CACNA2D1: variants seen among roughly 807,000 people sequenced by gnomAD.
CACNA2D1 encodes the protein calcium voltage-gated channel auxiliary subunit alpha2delta 1, also known as voltage-dependent calcium channel subunit alpha-2/delta-1.
In CACNA2D1, 53 loss-of-function variants were observed where a neutral mutation model predicts 171.5. That is an observed-to-expected ratio of 0.31 (90% confidence interval 0.25 to 0.39). The LOEUF is 0.39. Ranked by LOEUF, CACNA2D1 falls within the 10% of genes least tolerant of loss-of-function variation. The pLI is 1.00. For missense variants in CACNA2D1, 903 were observed against 1,299.8 expected (o/e 0.69, Z 4.69); for synonymous variants, 442 against 443.1 (o/e 1.00, Z 0.03).
intron 3 of CACNA2D1, among the ~76,000 whole-genome samples, chr7:82,294,874 T>C (rs1585376817): frequency 6.6e-6 from 1 of 152,178 alleles, no homozygotes; most frequent in Admixed American, 6.5e-5. Flanking sequence ...TACTTTTACA[T>C]GATATATCCA....
At chr7:82,285,171 T>A (rs551375744) in intron 3 of CACNA2D1, among the ~76,000 whole-genome samples, 1 of 152,008 alleles carries the variant, frequency 6.6e-6, no homozygotes, top group African/African-American at 2.4e-5. Context: ...GCCCTCCTCC[T>A]CTTCTCGATG....
At chr7:82,043,593 T>C (rs1388226481) in intron 10 of CACNA2D1, among the ~76,000 whole-genome samples, 1 of 152,202 alleles carries the variant, frequency 6.6e-6, no homozygotes, top group Non-Finnish European at 1.5e-5. Flanking sequence ...GTACACAAAT[T>C]GAAAGATGCT....
chr7:82,277,106 T>C (rs1199156481), intron 3 of CACNA2D1, among the ~76,000 whole-genome samples: 1 of 152,188 alleles, frequency 6.6e-6, no homozygotes, highest in Non-Finnish European at 1.5e-5. Flanking sequence ...TTCAAAACGC[T>C]AGCAGCTAAA....
At position 82,166,153 on chromosome 7, in the gene CACNA2D1, G is replaced by T. The variant is rs550131101; in HGVS notation, c.354+4397C>A. The stretch of plus-strand genomic sequence containing the variant: ...ATGCCGGTGCCTATTAGTTTAACTC[G>T]CATAAACACAAAATTTAAAATATCA... On this transcript the variant is annotated intron_variant, in intron 4 of 38. Coordinates refer to ENST00000356860, the MANE Select transcript of CACNA2D1 (RefSeq NM_000722.4). 2.0e-5 allele frequency among the ~76,000 whole-genome samples: 3 copies of T among 152,030 alleles called. No homozygotes were observed. In the East Asian group the frequency reaches 5.8e-4, roughly 29 times the overall value.
intron 1 of CACNA2D1, among the ~76,000 whole-genome samples, chr7:82,356,993 G>T (rs894036438): frequency 6.6e-6 from 1 of 152,084 alleles, no homozygotes; most frequent in African/African-American, 2.4e-5. Context: ...AATAAAATTT[G>T]AAGCAGTCAC....
chr7:82,246,006 CATA>C (rs1804874404), intron 3 of CACNA2D1, among the ~76,000 whole-genome samples: 1 of 151,884 alleles, frequency 6.6e-6, no homozygotes, highest in South Asian at 2.1e-4. Context: ...TGTATTCTGT[CATA>C]ATAATCCCTT....
intron 6 of CACNA2D1, among the ~76,000 whole-genome samples, chr7:82,103,191 CCAGCTACTCA>C (rs1812895163): frequency 1.3e-5 from 2 of 151,948 alleles, no homozygotes; most frequent in Admixed American, 1.3e-4. Context: ...GCCTGTAATC[CCAGCTACTCA>C]GGAGGCTGAG....
Position 81,985,881 on chromosome 7 carries a change from T to C in CACNA2D1, c.1797-1170A>G, listed in dbSNP as rs117872952. On this transcript the variant is annotated intron_variant, in intron 21 of 38. Coordinates refer to ENST00000356860, the MANE Select transcript of CACNA2D1 (RefSeq NM_000722.4). The stretch of plus-strand genomic sequence containing the variant: ...TTCAGAATGTTTTAGACACAAAAAA[T>C]GTCAGACAAGCTGGCCATCAAAACT... 1.6e-3 allele frequency among the ~76,000 whole-genome samples: 248 copies of C among 152,258 alleles called. 5 individuals are homozygous for C. In the East Asian group the frequency reaches 0.018, roughly 11 times the overall value.
At chr7:82,291,693 C>T (rs1006549985) in intron 3 of CACNA2D1, among the ~76,000 whole-genome samples, 2 of 145,156 alleles carry the variant, frequency 1.4e-5, no homozygotes, top group African/African-American at 2.6e-5. Context: ...TTTGTAGAGA[C>T]GTGGTCTCAC....
intron 1 of CACNA2D1, among the ~76,000 whole-genome samples, chr7:82,357,588 G>A (rs987714234): frequency 6.6e-6 from 1 of 151,708 alleles, no homozygotes; most frequent in African/African-American, 2.4e-5. Flanking sequence ...TGTAAGAAAA[G>A]AATATTGAAA....
chr7:82,213,074 T>A (rs974053414), intron 3 of CACNA2D1, among the ~76,000 whole-genome samples: 1 of 152,076 alleles, frequency 6.6e-6, no homozygotes, highest in Non-Finnish European at 1.5e-5. Flanking sequence ...TAATTTTTTG[T>A]ATTTTTAGTA....
intron 11 of CACNA2D1, among the ~76,000 whole-genome samples, chr7:82,034,389 A>G (rs1392106853): frequency 6.6e-6 from 1 of 152,116 alleles, no homozygotes; most frequent in Non-Finnish European, 1.5e-5. Flanking sequence ...GTTTTTCTTT[A>G]TTAATGAAAA....
intron 10 of CACNA2D1, among the ~76,000 whole-genome samples, chr7:82,044,546 A>G (rs1005544293): frequency 6.6e-6 from 1 of 152,150 alleles, no homozygotes; most frequent in Admixed American, 6.6e-5. Context: ...TTATTTACAC[A>G]AGTTAACTAT....
chr7:82,127,704 T>C (rs1422155333), intron 5 of CACNA2D1, among the ~76,000 whole-genome samples: 3 of 152,050 alleles, frequency 2.0e-5, no homozygotes, highest in Non-Finnish European at 4.4e-5. Context: ...TTAAATTGGG[T>C]TTTTAAGTAA....
intron 5 of CACNA2D1, among the ~76,000 whole-genome samples, chr7:82,134,940 C>T (rs1003726811): frequency 5.3e-5 from 8 of 152,152 alleles, no homozygotes; most frequent in African/African-American, 1.9e-4. Context: ...ACTAAAAAGT[C>T]ATATTGACAA....
intron 16 of CACNA2D1, 70 bp downstream of exon 16, chr7:82,007,604 ATATCT>A (rs1391087712): frequency 2.4e-6 from 2 of 834,752 alleles, no homozygotes; most frequent in East Asian, 2.7e-5. Context: ...TCTTATGGAA[ATATCT>A]TATCCATGTT....
intron 10 of CACNA2D1, among the ~76,000 whole-genome samples, chr7:82,045,827 T>C (rs992021918): frequency 6.6e-6 from 1 of 152,136 alleles, no homozygotes. Context: ...CATTATATAG[T>C]TGAGGAAATG....
chr7:82,401,646 T>C (rs1276118712), intron 1 of CACNA2D1, among the ~76,000 whole-genome samples: 3 of 151,920 alleles, frequency 2.0e-5, no homozygotes, highest in Non-Finnish European at 4.4e-5. Context: ...GCGTGGCACA[T>C]GTATACATAT....
chr7:82,047,001 T>A (rs1804630440), intron 10 of CACNA2D1, among the ~76,000 whole-genome samples: 1 of 152,162 alleles, frequency 6.6e-6, no homozygotes, highest in South Asian at 2.1e-4. Context: ...TTAAAAACAT[T>A]TGAAGCCATT....
Sources: allele counts gnomAD v4.1 joint callset (sites outside exome capture counted in the v4.1 genomes callset), GRCh38; gene constraint gnomAD v4.1.1; transcripts MANE v1.5; gene names NCBI Gene and HGNC (gene_info 2026-07-23, HGNC 2026-07-21).